KAZN: variants seen among roughly 807,000 people sequenced by gnomAD.
The protein encoded by KAZN is kazrin, periplakin interacting protein.
Under a neutral mutation model 87.4 loss-of-function variants are expected in KAZN, and 40 were observed. That is an observed-to-expected ratio of 0.46 (90% CI 0.36 to 0.60). KAZN has a LOEUF of 0.60. Ranked by LOEUF, KAZN falls within the 20% of genes least tolerant of loss-of-function variation. The pLI is 0.00. For synonymous variants in KAZN, 466 were observed against 458.3 expected (o/e 1.02, Z -0.22); for missense variants, 898 against 1,073.9 (o/e 0.84, Z 2.29).
At chr1:14,890,599 G>T (rs186846572) in intron 1 of KAZN, among the ~76,000 whole-genome samples, 1 of 152,242 alleles carries the variant, frequency 6.6e-6, no homozygotes, top group African/African-American at 2.4e-5. Context: ...AATGACGGGC[G>T]TGAATCAGAG....
At chr1:13,988,423 C>A (rs972823578) in intron 1 of KAZN, among the ~76,000 whole-genome samples, 1 of 152,058 alleles carries the variant, frequency 6.6e-6, no homozygotes, top group Non-Finnish European at 1.5e-5. Context: ...ATTCAACAGG[C>A]AATTTTCCAA....
chr1:15,071,435 A>C (rs1373035204), intron 8 of KAZN, among the ~76,000 whole-genome samples: 4 of 152,032 alleles, frequency 2.6e-5, no homozygotes, highest in African/African-American at 7.2e-5. Context: ...TGTTGTTTTT[A>C]GTAGAGACGG....
intron 1 of KAZN, among the ~76,000 whole-genome samples, chr1:14,747,192 T>C (rs192460949): frequency 1.4e-3 from 214 of 152,348 alleles, no homozygotes; most frequent in African/African-American, 4.3e-3. Flanking sequence ...CTGAATAATA[T>C]TCCATTGTGG....
chr1:14,047,734 G>A (rs1642137263), intron 1 of KAZN, among the ~76,000 whole-genome samples: 1 of 152,072 alleles, frequency 6.6e-6, no homozygotes, highest in South Asian at 2.1e-4. Flanking sequence ...TGGGTGTGGT[G>A]GCACACACCT....
intron 2 of KAZN, among the ~76,000 whole-genome samples, chr1:14,239,387 A>C (rs75683377): frequency 5.8e-4 from 88 of 151,656 alleles, no homozygotes; most frequent in Admixed American, 1.2e-3. Context: ...AAATCTAAAG[A>C]GGAAACTAAA....
At chr1:14,514,329 A>AAAATATATATATTATAT (rs373748578) in intron 2 of KAZN, among the ~76,000 whole-genome samples, 2 of 23,494 alleles carry the variant, frequency 8.5e-5, no homozygotes, top group African/African-American at 2.3e-4. Flanking sequence ...TGTCTCAAAA[A>AAAATATATATATTATAT]ATTTATATAT....
intron 1 of KAZN, among the ~76,000 whole-genome samples, chr1:14,158,473 C>A (rs1354102052): frequency 6.6e-6 from 1 of 152,074 alleles, no homozygotes; most frequent in African/African-American, 2.4e-5. Flanking sequence ...TTATTTCAAT[C>A]TCTTTGTTAT....
chr1:14,625,793 CTCGGTGTAATTTGCTGTTTGCAATT>C (rs1320357544), intron 1 of KAZN, among the ~76,000 whole-genome samples: 1 of 152,228 alleles, frequency 6.6e-6, no homozygotes, highest in African/African-American at 2.4e-5. Context: ...GACAGATGCA[CTCGGTGTAATTTGCTGTTTGCAATT>C]TCCCCGGAAA....
At chr1:14,137,300 T>A (rs1208908404) in intron 1 of KAZN, among the ~76,000 whole-genome samples, 1 of 152,146 alleles carries the variant, frequency 6.6e-6, no homozygotes, top group Non-Finnish European at 1.5e-5. Flanking sequence ...GAAGTAAGTT[T>A]CTGTAAGAGG....
chr1:14,575,619 T>G (rs1675130507), intron 2 of KAZN, among the ~76,000 whole-genome samples: 1 of 152,134 alleles, frequency 6.6e-6, no homozygotes, highest in Non-Finnish European at 1.5e-5. Flanking sequence ...AGGAGGCTGT[T>G]GCAGTCATCT....
At chr1:14,092,737 T>C (rs544935689) in intron 1 of KAZN, among the ~76,000 whole-genome samples, 2 of 152,290 alleles carry the variant, frequency 1.3e-5, no homozygotes, top group African/African-American at 4.8e-5. Flanking sequence ...TATTTTGTCC[T>C]TTATTTTCTC....
At chr1:14,653,001 T>C (rs1396497281) in intron 1 of KAZN, among the ~76,000 whole-genome samples, 1 of 152,032 alleles carries the variant, frequency 6.6e-6, no homozygotes, top group Non-Finnish European at 1.5e-5. Flanking sequence ...GCTGGAGAAA[T>C]TCTGCTGACT....
chr1:14,642,883 G>A (rs1680512513), intron 1 of KAZN, among the ~76,000 whole-genome samples: 1 of 152,204 alleles, frequency 6.6e-6, no homozygotes, highest in Admixed American at 6.5e-5. Flanking sequence ...AATACTAAGT[G>A]CTGATGAGGA....
intron 1 of KAZN, among the ~76,000 whole-genome samples, chr1:14,746,635 G>A (rs1404987904): frequency 1.3e-5 from 2 of 152,028 alleles, no homozygotes; most frequent in Non-Finnish European, 2.9e-5. Flanking sequence ...GCTGGAGTTG[G>A]GGAGCTGGGG....
At chr1:14,400,918 G>A (rs963035172) in intron 2 of KAZN, among the ~76,000 whole-genome samples, 12 of 152,210 alleles carry the variant, frequency 7.9e-5, no homozygotes, top group Non-Finnish European at 1.3e-4. Context: ...TTTGAAATGT[G>A]ATGAACAACA....
intron 2 of KAZN, among the ~76,000 whole-genome samples, chr1:14,562,855 CAGG>C (rs1413233622): frequency 6.6e-6 from 1 of 152,196 alleles, no homozygotes; most frequent in South Asian, 2.1e-4. Flanking sequence ...CCGTGGAAAG[CAGG>C]AGAAGGCTGT....
chr1:15,113,920 A>G lies in KAZN; in HGVS notation c.2164-551A>G, dbSNP rs1426143978. 3.3e-5 allele frequency: 5 copies of G among 152,684 alleles called. No homozygotes were observed. In the East Asian group the frequency reaches 5.8e-4, roughly 18 times the overall value. The allele number at this position is 152,684 out of a possible 1,614,324, so 9.5% of individuals were successfully genotyped here. A position where few individuals can be genotyped will look rare whatever the true frequency, so the allele number is the denominator to read the frequency against. ...CTGGGAGTTAGAAACTACTATTCCC[A>G]TTTTGTAGCTGAGAAAAATGGGCTC... On this transcript the variant is annotated intron_variant, in intron 14 of 14. Transcript: ENST00000376030.
At chr1:14,031,111 G>A (rs1186597467) in intron 1 of KAZN, among the ~76,000 whole-genome samples, 3 of 152,162 alleles carry the variant, frequency 2.0e-5, no homozygotes, top group Non-Finnish European at 4.4e-5. Flanking sequence ...CCAACCTGTA[G>A]TACTAATATT....
intron 1 of KAZN, among the ~76,000 whole-genome samples, chr1:14,097,851 A>T (rs1313113943): frequency 2.0e-5 from 3 of 152,202 alleles, no homozygotes; most frequent in Non-Finnish European, 4.4e-5. Flanking sequence ...AAGTTGAATC[A>T]GTTCCCCAGA....
Sources: allele counts gnomAD v4.1 joint callset (sites outside exome capture counted in the v4.1 genomes callset), GRCh38; gene constraint gnomAD v4.1.1; transcripts MANE v1.5; gene names NCBI Gene and HGNC (gene_info 2026-07-23, HGNC 2026-07-21).